Variants in RANBP2 observed in about 807,000 individuals in gnomAD.
RANBP2 encodes the protein E3 SUMO-protein ligase RanBP2.
RANBP2 carries 57 observed loss-of-function variants against 303.6 expected under a neutral mutation model. That is an observed-to-expected ratio of 0.19 (90% CI 0.15 to 0.23). RANBP2 has a LOEUF of 0.23. RANBP2 is among the 10% of genes least tolerant of loss of function. The pLI, the probability that RANBP2 is intolerant of heterozygous loss-of-function variation, is 1.00. For missense variants in RANBP2, 3,138 were observed against 3,780.8 expected (o/e 0.83, Z 4.46); for synonymous variants, 1,167 against 1,301.5 (o/e 0.90, Z 2.23).
the RANBP2 span, among the ~76,000 whole-genome samples, chr2:109,631,707 G>T: frequency 4.2e-3 from 632 of 152,202 alleles, 6 homozygotes; most frequent in African/African-American, 0.014. Flanking sequence ...AGTGAACTGA[G>T]ATTGCGCCAT....
the RANBP2 span, among the ~76,000 whole-genome samples, chr2:109,104,711 C>T: frequency 6.6e-6 from 1 of 152,230 alleles, no homozygotes; most frequent in African/African-American, 2.4e-5. Flanking sequence ...TCTTGATCTC[C>T]TGACCTCGTG....
At chr2:109,600,835 C>G in the RANBP2 span, among the ~76,000 whole-genome samples, 1 of 152,240 alleles carries the variant, frequency 6.6e-6, no homozygotes, top group African/African-American at 2.4e-5. Context: ...TCAGGGTCCC[C>G]ACAACCCCCA....
the RANBP2 span, among the ~76,000 whole-genome samples, chr2:109,498,655 T>G: frequency 3.9e-5 from 6 of 152,158 alleles, no homozygotes. Context: ...TCCCCCTAAG[T>G]AGTATCAAGT....
At chr2:109,226,652 T>C in the RANBP2 span, among the ~76,000 whole-genome samples, 1 of 152,240 alleles carries the variant, frequency 6.6e-6, no homozygotes, top group Non-Finnish European at 1.5e-5. Context: ...CCATCTTGAC[T>C]TCTCCCGGGG....
At chr2:109,286,779 G>T in the RANBP2 span, among the ~76,000 whole-genome samples, 2 of 152,174 alleles carry the variant, frequency 1.3e-5, no homozygotes, top group Non-Finnish European at 2.9e-5. Context: ...AGTGGACGCT[G>T]CCCCATACCT....
At chr2:109,125,077 C>T in the RANBP2 span, among the ~76,000 whole-genome samples, 1 of 152,216 alleles carries the variant, frequency 6.6e-6, no homozygotes, top group Admixed American at 6.5e-5. Context: ...GGCTACAGTC[C>T]AGGCTCACCA....
At chr2:109,343,443 A>G in the RANBP2 span, among the ~76,000 whole-genome samples, 8 of 151,902 alleles carry the variant, frequency 5.3e-5, no homozygotes, top group South Asian at 6.2e-4. Context: ...GCTCTGTCCA[A>G]TCTGAGTCTG....
At chr2:109,034,346 A>C in the RANBP2 span, among the ~76,000 whole-genome samples, 1 of 151,890 alleles carries the variant, frequency 6.6e-6, no homozygotes, top group Non-Finnish European at 1.5e-5. Context: ...CGTTTATCCA[A>C]AAAACTATTT....
At chr2:109,525,703 A>G in the RANBP2 span, among the ~76,000 whole-genome samples, 1 of 152,168 alleles carries the variant, frequency 6.6e-6, no homozygotes, top group African/African-American at 2.4e-5. Flanking sequence ...AAGATGCCAG[A>G]GAGGAGGCTC....
chr2:109,176,732 G>A, the RANBP2 span, among the ~76,000 whole-genome samples: 2 of 152,174 alleles, frequency 1.3e-5, no homozygotes, highest in African/African-American at 4.8e-5. Flanking sequence ...GCCAGACCCT[G>A]TCTCTAAAAA....
the RANBP2 span, among the ~76,000 whole-genome samples, chr2:108,824,161 GA>G: frequency 1.1e-4 from 6 of 53,216 alleles, no homozygotes; most frequent in Non-Finnish European, 2.3e-4. Context: ...ACTAAATTTA[GA>G]AAAAAAAATT....
At chr2:108,775,430 C>G (rs1677812476) in intron 23 of RANBP2, among the ~76,000 whole-genome samples, 1 of 152,080 alleles carries the variant, frequency 6.6e-6, no homozygotes. Flanking sequence ...GCTGTAGCAC[C>G]CAGGCTGGGT....
chr2:109,490,885 C>T, the RANBP2 span: 68 of 1,530,496 alleles, frequency 4.4e-5, 2 homozygotes, highest in South Asian at 7.1e-4. Context: ...CGGCAAGCTC[C>T]GCTGTCCATG....
the RANBP2 span, among the ~76,000 whole-genome samples, chr2:108,935,127 A>G: frequency 6.6e-6 from 1 of 152,140 alleles, no homozygotes; most frequent in Non-Finnish European, 1.5e-5. Context: ...CTTTACGGAA[A>G]AGGTCTGCCA....
the RANBP2 span, among the ~76,000 whole-genome samples, chr2:109,469,909 G>C: frequency 1.3e-5 from 2 of 152,188 alleles, no homozygotes; most frequent in Non-Finnish European, 2.9e-5. Context: ...GTGGGGGTCT[G>C]AGCCTGGACA....
the RANBP2 span, among the ~76,000 whole-genome samples, chr2:108,797,906 T>C: frequency 6.6e-6 from 1 of 151,504 alleles, no homozygotes; most frequent in Admixed American, 6.6e-5. Flanking sequence ...GCATTGAGAA[T>C]CTAGTACAGG....
chr2:109,360,354 A>T, the RANBP2 span, among the ~76,000 whole-genome samples: 1 of 152,226 alleles, frequency 6.6e-6, no homozygotes, highest in African/African-American at 2.4e-5. Context: ...ATGCCAAACA[A>T]CCACAGATGG....
intron 11 of RANBP2, 81 bp from the exon 12 acceptor site, chr2:108,751,790 T>C: frequency 6.2e-7 from 1 of 1,611,940 alleles, no homozygotes; most frequent in Non-Finnish European, 8.5e-7. Flanking sequence ...TAATTTGTCA[T>C]GTGACCCATT....
the RANBP2 span, among the ~76,000 whole-genome samples, chr2:109,422,950 C>T: frequency 6.6e-6 from 1 of 152,086 alleles, no homozygotes; most frequent in Non-Finnish European, 1.5e-5. Flanking sequence ...GGCATCAGAC[C>T]GACACGCCTG....
Sources: allele counts gnomAD v4.1 joint callset (sites outside exome capture counted in the v4.1 genomes callset), GRCh38; gene constraint gnomAD v4.1.1; transcripts MANE v1.5; gene names NCBI Gene and HGNC (gene_info 2026-07-23, HGNC 2026-07-21).